Variants in GLIS3 observed in about 807,000 individuals in gnomAD.
The protein encoded by GLIS3 is GLIS family zinc finger 3.
Under a neutral mutation model 78.6 loss-of-function variants are expected in GLIS3, and 53 were observed. The observed-to-expected ratio is 0.67, with a 90% CI of 0.54 to 0.85. GLIS3 has a LOEUF of 0.85. GLIS3 is among the 40% of genes least tolerant of loss of function. GLIS3 has a pLI of 0.00. For synonymous variants in GLIS3, 684 were observed against 509.9 expected, an observed-to-expected ratio of 1.34 and a Z score of -4.60; for missense variants, 1,703 against 1,231.1, an observed-to-expected ratio of 1.38 and a Z score of -5.74.
the GLIS3 span, among the ~76,000 whole-genome samples, chr9:4,410,590 G>T: frequency 1.3e-5 from 2 of 152,126 alleles, no homozygotes; most frequent in Non-Finnish European, 2.9e-5. Flanking sequence ...CATTTGCTTT[G>T]ATCCAGCACA....
the GLIS3 span, among the ~76,000 whole-genome samples, chr9:4,398,387 T>C: frequency 2.6e-5 from 4 of 152,086 alleles, no homozygotes; most frequent in African/African-American, 9.7e-5. Context: ...GAATCTGCAA[T>C]TTAAACAGCA....
chr9:4,270,122 G>A (rs1461012755), intron 2 of GLIS3, among the ~76,000 whole-genome samples: 1 of 152,136 alleles, frequency 6.6e-6, no homozygotes, highest in Non-Finnish European at 1.5e-5. Flanking sequence ...CTGAATACTG[G>A]TTTCCACATT....
rs675693 is a variant in GLIS3 at position 3,905,164 on chromosome 9, C to A, written c.1984-6329G>T. Among the ~76,000 whole-genome samples the A allele has an allele frequency of 1.1e-3, 149 of 133,390 alleles. 1 individual carries two copies. Among genetic ancestry groups the A allele is most frequent in the Non-Finnish European group, 1.9e-3 (123 of 64,100 alleles). 87.5% of individuals were successfully genotyped at this position (133,390 alleles called of 152,430 possible). ...AATTTTTTTCTTTTTTTTTTTTTTG[C>A]TATTTTTAGTAGAGATGGGGTTTCA... On this transcript the variant is annotated intron_variant, in intron 6 of 10. Coordinates refer to ENST00000381971, the MANE Select transcript of GLIS3 (RefSeq NM_001042413.2).
the GLIS3 span, among the ~76,000 whole-genome samples, chr9:4,366,928 G>T: frequency 6.7e-6 from 1 of 149,446 alleles, no homozygotes; most frequent in Admixed American, 6.8e-5. Flanking sequence ...TCTTGTGGTC[G>T]AGCACAATGG....
chr9:3,928,602 C>G (rs1219638042), intron 6 of GLIS3, among the ~76,000 whole-genome samples: 1 of 152,134 alleles, frequency 6.6e-6, no homozygotes, highest in Admixed American at 6.5e-5. Flanking sequence ...CCAAAAGTTA[C>G]CAGTTCTCTA....
intron 4 of GLIS3, among the ~76,000 whole-genome samples, chr9:4,104,454 G>A (rs806028): frequency 0.098 from 14,868 of 152,122 alleles, 871 homozygotes; most frequent in African/African-American, 0.16. Flanking sequence ...AGAAGGCTAC[G>A]GCAGTGCCCT....
At chr9:4,381,521 C>G in the GLIS3 span, among the ~76,000 whole-genome samples, 1 of 152,166 alleles carries the variant, frequency 6.6e-6, no homozygotes, top group Non-Finnish European at 1.5e-5. Context: ...ACATAGTACT[C>G]ACAAAGCCTT....
chr9:3,888,332 TCCTC>T (rs1822213858), intron 7 of GLIS3, among the ~76,000 whole-genome samples: 1 of 152,174 alleles, frequency 6.6e-6, no homozygotes. Context: ...AAAAGATATT[TCCTC>T]CCTTTCAGAG....
chr9:4,032,969 T>C lies in GLIS3; in HGVS notation c.1710+84799A>G, dbSNP rs576521318. ...CCCGGGTTCACACCATTCTGCTGCCTCAGCCTCCCGAGTAGCTGGGACTAC... is the reference window on the plus strand; with the variant it reads ...CCCGGGTTCACACCATTCTGCTGCCCCAGCCTCCCGAGTAGCTGGGACTAC... On this transcript the variant is annotated intron_variant, in intron 4 of 10. Transcript: ENST00000381971. 3.3e-5 allele frequency among the ~76,000 whole-genome samples: 5 copies of C among 152,204 alleles called. No homozygotes were observed. In the East Asian group the frequency reaches 9.7e-4, roughly 29 times the overall value.
At chr9:4,100,438 C>T (rs752402174) in intron 4 of GLIS3, among the ~76,000 whole-genome samples, 1 of 152,016 alleles carries the variant, frequency 6.6e-6, no homozygotes, top group Non-Finnish European at 1.5e-5. Flanking sequence ...TCAGGGAAAA[C>T]AAAGGGGAAA....
At chr9:4,201,799 G>C (rs1819421236) in intron 2 of GLIS3, among the ~76,000 whole-genome samples, 2 of 152,120 alleles carry the variant, frequency 1.3e-5, no homozygotes, top group African/African-American at 4.8e-5. Flanking sequence ...TTCCTATTAA[G>C]CTAATAACTT....
chr9:3,855,531 G>A (rs1033995407), intron 9 of GLIS3: 2 of 196,296 alleles, frequency 1.0e-5, no homozygotes, highest in African/African-American at 2.4e-5. Flanking sequence ...TAAAATCAGA[G>A]TTTAGAGCCT....
intron 4 of GLIS3, among the ~76,000 whole-genome samples, chr9:4,001,349 A>G (rs1821112284): frequency 6.6e-6 from 1 of 152,208 alleles, no homozygotes; most frequent in South Asian, 2.1e-4. Flanking sequence ...CAAAGACTAA[A>G]GTTTACCTAA....
chr9:3,895,314 A>ACAC (rs1457356164), intron 7 of GLIS3, among the ~76,000 whole-genome samples: 2 of 152,228 alleles, frequency 1.3e-5, no homozygotes, highest in African/African-American at 2.4e-5. Flanking sequence ...ATTATATGGA[A>ACAC]CACAGAACCT....
At chr9:4,246,337 C>A (rs1305988265) in intron 2 of GLIS3, among the ~76,000 whole-genome samples, 1 of 152,188 alleles carries the variant, frequency 6.6e-6, no homozygotes, top group Non-Finnish European at 1.5e-5. Flanking sequence ...CACAAATCAA[C>A]TTATATGAAG....
intron 2 of GLIS3, among the ~76,000 whole-genome samples, chr9:4,329,270 G>A (rs1035108695): frequency 3.3e-5 from 5 of 152,222 alleles, no homozygotes; most frequent in East Asian, 1.9e-4. Context: ...GGGAAACCTC[G>A]CATGTGTGTG....
chr9:3,960,383 C>A (rs965525439), intron 4 of GLIS3, among the ~76,000 whole-genome samples: 6 of 152,322 alleles, frequency 3.9e-5, no homozygotes, highest in African/African-American at 1.2e-4. Flanking sequence ...TTTGTTATGG[C>A]AGCCCTAGCA....
the GLIS3 span, among the ~76,000 whole-genome samples, chr9:4,474,225 T>G: frequency 2.6e-5 from 4 of 152,074 alleles, no homozygotes; most frequent in Non-Finnish European, 5.9e-5. Context: ...CAGAGAGAAT[T>G]AGTGGAAAGA....
the GLIS3 span, among the ~76,000 whole-genome samples, chr9:4,362,828 G>T: frequency 6.6e-6 from 1 of 152,142 alleles, no homozygotes; most frequent in Non-Finnish European, 1.5e-5. Flanking sequence ...CTGCTATCAT[G>T]TTGGAGAACA....
Sources: allele counts gnomAD v4.1 joint callset (sites outside exome capture counted in the v4.1 genomes callset), GRCh38; gene constraint gnomAD v4.1.1; transcripts MANE v1.5; gene names NCBI Gene and HGNC (gene_info 2026-07-23, HGNC 2026-07-21).